NETO1: variants seen among roughly 807,000 people sequenced by gnomAD.
NETO1 encodes neuropilin and tolloid-like protein 1.
Under a neutral mutation model 61.3 loss-of-function variants are expected in NETO1, and 26 were observed. The observed-to-expected ratio is 0.42, with a 90% CI of 0.31 to 0.59. The LOEUF is 0.59. NETO1 is among the 20% of genes least tolerant of loss of function. The pLI, the probability that NETO1 is intolerant of heterozygous loss-of-function variation, is 0.12. For synonymous variants in NETO1, 225 were observed against 225.8 expected (o/e 1.00, Z 0.03); for missense variants, 531 against 662.8 (o/e 0.80, Z 2.18).
chr18:72,807,574 A>G (rs2072714807), intron 4 of NETO1, among the ~76,000 whole-genome samples: 1 of 152,166 alleles, frequency 6.6e-6, no homozygotes, highest in African/African-American at 2.4e-5. Context: ...TACTTCTGAT[A>G]GATAGTAACA....
intron 4 of NETO1, chr18:72,834,972 C>G: frequency 2.5e-6 from 2 of 791,580 alleles, no homozygotes; most frequent in Non-Finnish European, 3.1e-6. Flanking sequence ...TAATTTAACA[C>G]AATATTACAT....
chr18:72,800,038 CATTAGCAGAG>C (rs1296636012), intron 4 of NETO1, among the ~76,000 whole-genome samples: 11 of 152,318 alleles, frequency 7.2e-5, no homozygotes, highest in Admixed American at 5.2e-4. Flanking sequence ...ATCTTTCAAA[CATTAGCAGAG>C]ATTTTGAGAG....
intron 4 of NETO1, among the ~76,000 whole-genome samples, chr18:72,855,452 G>A (rs967526509): frequency 6.6e-6 from 1 of 152,186 alleles, no homozygotes; most frequent in Non-Finnish European, 1.5e-5. Context: ...ATAACCGTCA[G>A]CAAACCAGAA....
At chr18:72,785,298 A>G (rs1166828978) in intron 6 of NETO1, among the ~76,000 whole-genome samples, 1 of 152,128 alleles carries the variant, frequency 6.6e-6, no homozygotes, top group Non-Finnish European at 1.5e-5. Context: ...TATTTAAATT[A>G]GTGAAAATGT....
chr18:72,834,621 T>C, intron 4 of NETO1: 1 of 983,638 alleles, frequency 1.0e-6, no homozygotes, highest in Non-Finnish European at 1.2e-6. Flanking sequence ...TACAGGAAAT[T>C]TATGTTTATA....
chr18:72,865,203 T>C lies in NETO1; in HGVS notation c.67A>G (p.Thr23Ala). 1.2e-6 allele frequency: 2 copies of C among 1,613,204 alleles called. No homozygotes were observed. The highest frequency in any genetic ancestry group is 1.7e-6 in the Non-Finnish European group (2 of 1,179,640). ...GTAAACACACCTGTTCCTTTCTTGGTTGCCCCAGACAAATGGAGGATGATT... is the reference window on the plus strand; with the variant it reads ...GTAAACACACCTGTTCCTTTCTTGGCTGCCCCAGACAAATGGAGGATGATT... ...SLIILHLSGA[T>A]KKGTEKQTTS... The change falls in exon 2 of 11, where the codon ACC (threonine) becomes GCC (alanine). Residue 23 changes from threonine to alanine, a missense_variant. By Grantham distance (58) the Thr-to-Ala change is moderately conservative (BLOSUM62 0). Coordinates refer to ENST00000327305, the MANE Select transcript of NETO1 (RefSeq NM_138966.5).
intron 4 of NETO1, among the ~76,000 whole-genome samples, chr18:72,846,425 A>G (rs2074085869): frequency 7.0e-6 from 1 of 142,148 alleles, no homozygotes; most frequent in Admixed American, 7.6e-5. Context: ...GAATCGCTTG[A>G]ACCTGGGAGG....
chr18:72,808,674 A>G (rs1489785705), intron 4 of NETO1, among the ~76,000 whole-genome samples: 1 of 152,236 alleles, frequency 6.6e-6, no homozygotes, highest in Admixed American at 6.5e-5. Flanking sequence ...AGGACACAAT[A>G]AAGCTGTACA....
chr18:72,808,643 TA>T lies in NETO1; in HGVS notation c.470-14240del, dbSNP rs149146756. 7.1e-3 allele frequency among the ~76,000 whole-genome samples: 1,086 copies of T among 152,354 alleles called. 10 individuals are homozygous for T. Among genetic ancestry groups the T allele is most frequent in the African/African-American group, 0.021 (883 of 41,576 alleles). On this transcript the variant is annotated intron_variant, in intron 4 of 10. Coordinates refer to ENST00000327305, the MANE Select transcript of NETO1 (RefSeq NM_138966.5). ...AGCATCATGGCAAAGCCTTGTGTGT[TA>T]CAGCCACATAAATAAGATAAGGACA...
chr18:72,792,144 G>T (rs1469176689), intron 6 of NETO1, among the ~76,000 whole-genome samples: 1 of 152,060 alleles, frequency 6.6e-6, no homozygotes, highest in Non-Finnish European at 1.5e-5. Context: ...CTCAAAAAAG[G>T]TTCTTCACTG....
chr18:72,823,840 T>A (rs923531376), intron 4 of NETO1, among the ~76,000 whole-genome samples: 1 of 152,154 alleles, frequency 6.6e-6, no homozygotes, highest in Non-Finnish European at 1.5e-5. Flanking sequence ...TGGAGCCCAG[T>A]AGCTGCCACA....
chr18:72,864,884 T>C lies in NETO1; in HGVS notation c.144A>G (p.Ala48=), dbSNP rs771737666. Residue 48 remains alanine (A), a synonymous_variant, in exon 3 of 11, where the codon GCA becomes GCG. Transcript: ENST00000327305. The part of the protein sequence containing the change: ...SVQCGTWTKH[A]EGGIFTSPNY... ...TGGGAGAGGTAAAGATACCTCCCTC[T>C]GCATGTTTTGTCCAAGTTCCACACT... 1 of 1,614,014 alleles carries C rather than the reference T, an allele frequency of 6.2e-7. No homozygotes were observed. Among genetic ancestry groups the C allele is most frequent in the Non-Finnish European group, 8.5e-7 (1 of 1,179,970 alleles).
intron 4 of NETO1, among the ~76,000 whole-genome samples, chr18:72,833,605 C>T (rs926787659): frequency 2.0e-5 from 3 of 152,126 alleles, no homozygotes; most frequent in Non-Finnish European, 2.9e-5. Context: ...CTGACTCTCA[C>T]GACATCCCCG....
chr18:72,784,904 G>C (rs934765070), intron 6 of NETO1, among the ~76,000 whole-genome samples: 3 of 152,194 alleles, frequency 2.0e-5, no homozygotes, highest in African/African-American at 2.4e-5. Flanking sequence ...GTGAACAAAA[G>C]AATGAGGGCC....
At chr18:72,766,844 T>C (rs1443160922) in intron 7 of NETO1, among the ~76,000 whole-genome samples, 1 of 152,336 alleles carries the variant, frequency 6.6e-6, no homozygotes, top group East Asian at 1.9e-4. Flanking sequence ...TATCCATTAT[T>C]TTATCTTCCC....
At chr18:72,765,488 A>G (rs1383830640) in intron 7 of NETO1, among the ~76,000 whole-genome samples, 1 of 151,936 alleles carries the variant, frequency 6.6e-6, no homozygotes, top group African/African-American at 2.4e-5. Flanking sequence ...GCATGATCTC[A>G]GCTCACTGCA....
At chr18:72,826,924 G>C (rs1364496001) in intron 4 of NETO1, among the ~76,000 whole-genome samples, 2 of 151,984 alleles carry the variant, frequency 1.3e-5, no homozygotes, top group African/African-American at 2.4e-5. Flanking sequence ...CCATTTCTAG[G>C]GGGGCTGGAA....
At chr18:72,801,865 G>A (rs746230621) in intron 4 of NETO1, among the ~76,000 whole-genome samples, 3 of 151,966 alleles carry the variant, frequency 2.0e-5, no homozygotes, top group Non-Finnish European at 4.4e-5. Flanking sequence ...GGTGAAGGAT[G>A]GACATCTGTC....
chr18:72,780,718 A>G (rs187897195), intron 7 of NETO1, among the ~76,000 whole-genome samples: 25 of 152,344 alleles, frequency 1.6e-4, no homozygotes, highest in African/African-American at 6.0e-4. Flanking sequence ...AAGTTTCCCT[A>G]TAACTTTCAA....
Sources: allele counts gnomAD v4.1 joint callset (sites outside exome capture counted in the v4.1 genomes callset), GRCh38; gene constraint gnomAD v4.1.1; transcripts MANE v1.5; gene names NCBI Gene and HGNC (gene_info 2026-07-23, HGNC 2026-07-21).